TRIM6: variants seen among roughly 807,000 people sequenced by gnomAD.
TRIM6 encodes the protein tripartite motif containing 6, also known as tripartite motif-containing protein 6.
A neutral mutation model predicts 51.2 loss-of-function variants in TRIM6; 43 were observed. The ratio of observed to expected loss-of-function variants is 0.84; its 90% confidence interval spans 0.66 to 1.08. TRIM6 has a LOEUF of 1.08. TRIM6 is among the 50% of genes least tolerant of loss of function. The pLI is 0.00. For missense variants in TRIM6, 669 were observed against 619.0 expected (o/e 1.08, Z -0.86); for synonymous variants, 215 against 232.4 (o/e 0.93, Z 0.68).
chr11:5,599,886 A>ATAGAGCCTCTATTGCCTC (rs1033702451), intron 1 of TRIM6, among the ~76,000 whole-genome samples: 5 of 152,168 alleles, frequency 3.3e-5, no homozygotes, highest in Non-Finnish European at 7.4e-5. Flanking sequence ...TGGAAGATAA[A>ATAGAGCCTCTATTGCCTC]TAGAGCCTCT....
intron 5 of TRIM6, among the ~76,000 whole-genome samples, chr11:5,608,621 A>G (rs1157173958): frequency 6.6e-6 from 1 of 151,990 alleles, no homozygotes; most frequent in African/African-American, 2.4e-5. Context: ...CAGTACTGTT[A>G]TTTAGAATAA....
chr11:5,599,645 C>T (rs913107999), intron 1 of TRIM6, among the ~76,000 whole-genome samples: 11 of 152,116 alleles, frequency 7.2e-5, no homozygotes, highest in African/African-American at 1.9e-4. Context: ...CCTTGTGATC[C>T]GCCTGCCTCA....
rs1200143264 is a variant in TRIM6 at position 5,604,539 on chromosome 11, G to A, written c.513G>A (p.Lys171=). 2 of 1,611,100 alleles carry A rather than the reference G, an allele frequency of 1.2e-6. No individual in the cohort carries two copies. Among genetic ancestry groups the A allele is most frequent in the South Asian group, 2.2e-5 (2 of 90,212 alleles). Residue 171 remains lysine, a synonymous_variant, in exon 3 of 8, where the codon AAG becomes AAA. Coordinates refer to ENST00000380097, the MANE Select transcript of TRIM6 (RefSeq NM_001003818.3). The stretch of plus-strand genomic sequence containing the variant: ...CCTGATTTGTTTTCTTCAAGGAGAA[G>A]TTTCAGGAGTCTCTAAAGAAGCTGA... ...VEEVAQEYQE[K]FQESLKKLKN...
chr11:5,603,798 A>G, intron 2 of TRIM6, 63 bp downstream of exon 2: 8 of 1,577,154 alleles, frequency 5.1e-6, no homozygotes, highest in Non-Finnish European at 5.2e-6. Context: ...TTAACGTTTT[A>G]TCATGCTCTG....
At chr11:5,598,394 A>C (rs1847608761) in intron 1 of TRIM6, among the ~76,000 whole-genome samples, 1 of 152,196 alleles carries the variant, frequency 6.6e-6, no homozygotes, top group African/African-American at 2.4e-5. Flanking sequence ...TTCTCTGTCT[A>C]AAGAGAGTAT....
Position 5,610,481 on chromosome 11 carries a change from A to G in TRIM6, c.959-54A>G, listed in dbSNP as rs370756306. On this transcript the variant is annotated intron_variant, in intron 6 of 7. Transcript: ENST00000380097. ...TCAATGTAGTAAGGAGAGAGATACC[A>G]GACATGAGACAGTTGGTCCTATTCA... is the stretch of plus-strand genomic sequence containing the variant. The G allele has an allele frequency of 5.6e-6, 9 of 1,613,550 alleles. No homozygotes were observed. In the African/African-American group the frequency reaches 1.1e-4, roughly 19 times the overall value.
chr11:5,599,496 C>T (rs1384424238), intron 1 of TRIM6, among the ~76,000 whole-genome samples: 1 of 152,058 alleles, frequency 6.6e-6, no homozygotes, highest in Non-Finnish European at 1.5e-5. Context: ...CTCCACCTTC[C>T]GGGTTCACGC....
Position 5,603,562 on chromosome 11 carries a change from G to A in TRIM6, c.334G>A (p.Val112Ile), listed in dbSNP as rs796748445. 6 of 1,614,066 alleles carry A rather than the reference G, an allele frequency of 3.7e-6. No homozygotes were observed. Among genetic ancestry groups the A allele is most frequent in the Admixed American group, 3.3e-5 (2 of 59,992 alleles). The change falls in exon 2 of 8, where the codon GTA becomes ATA. Residue 112 changes from valine (V) to isoleucine (I), a missense_variant. Coordinates refer to ENST00000380097, the MANE Select transcript of TRIM6 (RefSeq NM_001003818.3). The stretch of plus-strand genomic sequence containing the variant: ...CAACATAGTGAGGCGGCTCAGAGAG[G>A]TAGTGTTGGGCCCTGGGAAGCAGCT... ...LANIVRRLRE[V>I]VLGPGKQLKA...
intron 4 of TRIM6, 102 bp from the exon 5 acceptor site, chr11:5,608,270 C>A: frequency 6.5e-7 from 1 of 1,533,882 alleles, no homozygotes; most frequent in Non-Finnish European, 8.8e-7. Flanking sequence ...TTAGGATTAT[C>A]TTTATTTGTA....
At position 5,612,878 on chromosome 11, in the gene TRIM6, A is replaced by ATAACT. The variant is rs1848629450; in HGVS notation, c.*1538_*1542dup. 1 of 152,238 alleles carries ATAACT rather than the reference A, an allele frequency of 6.6e-6. No individual in the cohort carries two copies. Among genetic ancestry groups the ATAACT allele is most frequent in the African/African-American group, 2.4e-5 (1 of 41,460 alleles). 9.4% of individuals were successfully genotyped at this position (152,238 alleles called of 1,614,324 possible). ...AAAAATAATGTAAAATATCTCACTAATAACTTTTCCTTTGTGTATTGCAAT... is the reference window on the plus strand; with the variant it reads ...AAAAATAATGTAAAATATCTCACTAATAACTTAACTTTTCCTTTGTGTATTGCAAT... On this transcript the variant is annotated 3_prime_UTR_variant, in exon 8 of 8. Transcript: ENST00000380097.
chr11:5,609,785 T>C (rs1303537126), intron 5 of TRIM6, among the ~76,000 whole-genome samples: 1 of 152,002 alleles, frequency 6.6e-6, no homozygotes, highest in Non-Finnish European at 1.5e-5. Context: ...TAGCCAGGCG[T>C]GGTGGCACGC....
Position 5,610,841 on chromosome 11 carries a change from A to C in TRIM6, c.1050A>C (p.Gln350His), listed in dbSNP as rs371869027. The part of the protein sequence containing the change: ...LNLVLAKNRR[Q>H]VRFVGAKVSG... Reference sequence around the variant, plus strand: ...TTGTCCTGGCTAAAAACCGGAGACAAGTGAGGTTTGTGGGAGCTAAAGTAT... The same window carrying C: ...TTGTCCTGGCTAAAAACCGGAGACACGTGAGGTTTGTGGGAGCTAAAGTAT... Residue 350 changes from glutamine to histidine, a missense_variant, in exon 8 of 8, where the codon CAA (glutamine) becomes CAC (histidine). Physicochemically the swap from Gln to His is conservative, Grantham distance 24. Coordinates refer to ENST00000380097, the MANE Select transcript of TRIM6 (RefSeq NM_001003818.3). 2.5e-6 allele frequency: 4 copies of C among 1,614,200 alleles called. No homozygotes were observed. The South Asian group carries it at 3.3e-5, about 13-fold the overall frequency.
At chr11:5,604,763 C>A in intron 3 of TRIM6, 134 bp downstream of exon 3, 1 of 841,420 alleles carries the variant, frequency 1.2e-6, no homozygotes, top group Non-Finnish European at 1.8e-6. Flanking sequence ...CCTGGTCCTC[C>A]ACTATATTCC....
chr11:5,610,629 A>G lies in TRIM6; in HGVS notation c.985+68A>G, dbSNP rs144757293. ...CTCCTTTCACATGCCCTCCCCAGAC[A>G]TAGCCACACAGATCCTAGGTGTTGA... On this transcript the variant is annotated intron_variant, in intron 7 of 7. Transcript: ENST00000380097. The G allele has an allele frequency of 4.6e-4, 723 of 1,583,740 alleles. 5 individuals carry two copies. In the African/African-American group the frequency reaches 8.8e-3, roughly 19 times the overall value.
At chr11:5,599,218 G>T (rs1018179991) in intron 1 of TRIM6, among the ~76,000 whole-genome samples, 1 of 152,108 alleles carries the variant, frequency 6.6e-6, no homozygotes, top group Non-Finnish European at 1.5e-5. Context: ...ATTCTTTTCA[G>T]TTTGGGACTA....
At chr11:5,606,649 T>C (rs996683135) in intron 4 of TRIM6, among the ~76,000 whole-genome samples, 1 of 152,210 alleles carries the variant, frequency 6.6e-6, no homozygotes, top group Non-Finnish European at 1.5e-5. Context: ...GTCCTCATCA[T>C]TGATATTATT....
intron 2 of TRIM6, 143 bp downstream of exon 2, chr11:5,603,878 G>A: frequency 7.1e-7 from 1 of 1,413,112 alleles, no homozygotes; most frequent in Non-Finnish European, 9.3e-7. Flanking sequence ...ATTAAGAATA[G>A]ATTCTTTATC....
In TRIM6 at chr11:5,603,264, C is replaced by T; in HGVS notation, c.36C>T (p.Asn12=). 1 of 1,613,674 alleles carries T rather than the reference C, an allele frequency of 6.2e-7. No homozygotes were observed. Among genetic ancestry groups the T allele is most frequent in the African/African-American group, 1.3e-5 (1 of 74,986 alleles). ...CGSERILQAG[N]ILEIRVGQAG... is the part of the protein sequence containing the mutation. ...TACCTAGGATTCTACAGGCAGGAAACATCTTAGAAATCAGGGTTGGGCAGG... is the reference window on the plus strand; with the variant it reads ...TACCTAGGATTCTACAGGCAGGAAATATCTTAGAAATCAGGGTTGGGCAGG... Residue 12 remains asparagine, a synonymous_variant, in exon 2 of 8, where the codon AAC becomes AAT. Transcript: ENST00000380097.
chr11:5,597,652 C>G (rs4255566), intron 1 of TRIM6, among the ~76,000 whole-genome samples: 5 of 151,914 alleles, frequency 3.3e-5, no homozygotes, highest in Non-Finnish European at 5.9e-5. Context: ...TGGACGGGCC[C>G]GCTCTGTCAT....
Sources: gnomAD v4.1 joint callset for allele counts (sites outside exome capture counted in the v4.1 genomes callset) on GRCh38, gnomAD v4.1.1 for gene constraint, MANE v1.5 for transcripts, NCBI Gene and HGNC (gene_info 2026-07-23, HGNC 2026-07-21) for gene names.